Variants in HMGCLL1 observed in about 807,000 individuals in gnomAD.
HMGCLL1 encodes 3-hydroxy-3-methylglutaryl-CoA lyase like 1, also known as 3-hydroxymethyl-3-methylglutaryl-CoA lyase, cytoplasmic.
HMGCLL1 carries 36 observed loss-of-function variants against 39.1 expected under a neutral mutation model. The observed-to-expected ratio is 0.92, with a 90% CI of 0.71 to 1.22. The LOEUF is 1.22. Ranked by LOEUF, HMGCLL1 falls within the 50% of genes most tolerant of loss-of-function variation. The pLI, the probability that HMGCLL1 is intolerant of heterozygous loss-of-function variation, is 0.00. For synonymous variants in HMGCLL1, 149 were observed against 144.0 expected (o/e 1.03, Z -0.25); for missense variants, 451 against 416.5 (o/e 1.08, Z -0.72).
At position 55,520,329 on chromosome 6, in the gene HMGCLL1, T is replaced by C. The variant is rs886645594; in HGVS notation, c.298-3726A>G. Among the ~76,000 whole-genome samples, 30 of 151,624 alleles carry C rather than the reference T, an allele frequency of 2.0e-4. 1 individual carries two copies. Among genetic ancestry groups the C allele is most frequent in the African/African-American group, 7.0e-4 (29 of 41,466 alleles). The stretch of plus-strand genomic sequence containing the variant: ...GGATGATAATGAAGTTCCCAGATCA[T>C]GAAAACTAAAAATTGATAATCACTG... On this transcript the variant is annotated intron_variant, in intron 3 of 8. Coordinates refer to ENST00000274901, the MANE Select transcript of HMGCLL1 (RefSeq NM_001042406.2).
intron 7 of HMGCLL1, among the ~76,000 whole-genome samples, chr6:55,445,269 G>A (rs1763769144): frequency 1.3e-5 from 2 of 151,568 alleles, no homozygotes. Context: ...TAAATTATAT[G>A]CTCGTTTTTC....
intron 7 of HMGCLL1, among the ~76,000 whole-genome samples, chr6:55,474,602 ATC>A (rs1561902153): frequency 6.6e-6 from 1 of 151,496 alleles, no homozygotes; most frequent in African/African-American, 2.4e-5. Flanking sequence ...TCATTCCAAT[ATC>A]TGTGTCATAT....
intron 7 of HMGCLL1, among the ~76,000 whole-genome samples, chr6:55,459,205 C>T (rs1764452045): frequency 6.6e-6 from 1 of 151,956 alleles, no homozygotes; most frequent in Non-Finnish European, 1.5e-5. Context: ...AAAGGCTTAC[C>T]ACATTATCAT....
chr6:55,517,922 T>C (rs985908775), intron 3 of HMGCLL1, among the ~76,000 whole-genome samples: 1 of 152,148 alleles, frequency 6.6e-6, no homozygotes, highest in Non-Finnish European at 1.5e-5. Flanking sequence ...TAAACACATT[T>C]ATTTGTGTTT....
chr6:55,529,813 T>A (rs1480927000), intron 3 of HMGCLL1, among the ~76,000 whole-genome samples: 47 of 152,160 alleles, frequency 3.1e-4, no homozygotes, highest in Non-Finnish European at 1.2e-4. Flanking sequence ...TAGCAACTAC[T>A]TATTATTCAA....
intron 3 of HMGCLL1, among the ~76,000 whole-genome samples, chr6:55,539,762 G>A (rs1000288753): frequency 2.7e-5 from 4 of 149,884 alleles, no homozygotes; most frequent in African/African-American, 9.9e-5. Context: ...CTAGGCTTAA[G>A]ACCTAAGTGA....
At chr6:55,633,408 T>C in the HMGCLL1 span, among the ~76,000 whole-genome samples, 1 of 151,488 alleles carries the variant, frequency 6.6e-6, no homozygotes, top group African/African-American at 2.4e-5. Flanking sequence ...AGAGAGAGAA[T>C]TTCATATAGA....
the HMGCLL1 span, among the ~76,000 whole-genome samples, chr6:55,635,015 G>A: frequency 6.6e-6 from 1 of 151,940 alleles, no homozygotes; most frequent in Admixed American, 6.6e-5. Flanking sequence ...TCTCCCTAAA[G>A]GACAGTTGGA....
At chr6:55,488,787 T>C (rs62407071) in intron 7 of HMGCLL1, among the ~76,000 whole-genome samples, 3,594 of 152,144 alleles carry the variant, frequency 0.024, 56 homozygotes, top group Non-Finnish European at 0.037. Flanking sequence ...TGAGAAGTAA[T>C]TTTATAAGAA....
At chr6:55,627,910 TATATATATATA>T in the HMGCLL1 span, among the ~76,000 whole-genome samples, 129 of 2,096 alleles carry the variant, frequency 0.062, 9 homozygotes, top group South Asian at 0.19. Flanking sequence ...GTATATATAC[TATATATATATA>T]ATATATATAC....
At chr6:55,443,899 T>C (rs1763710238) in intron 7 of HMGCLL1, among the ~76,000 whole-genome samples, 1 of 151,870 alleles carries the variant, frequency 6.6e-6, no homozygotes, top group Non-Finnish European at 1.5e-5. Context: ...AAAGAAGACA[T>C]ACGTCATTTC....
the HMGCLL1 span, among the ~76,000 whole-genome samples, chr6:55,627,555 A>C: frequency 6.6e-6 from 1 of 151,960 alleles, no homozygotes; most frequent in African/African-American, 2.4e-5. Context: ...ACAAAGTATT[A>C]ATCCTGGGTG....
Position 55,579,128 on chromosome 6 carries a change from A to G in HMGCLL1, c.-73T>C, listed in dbSNP as rs1002959971. ...GATGAGGGGCGGGCACCGCGCTGGGAAACTGCGCCAGCTCGGGAGCGCGCC... is the reference window on the plus strand; with the variant it reads ...GATGAGGGGCGGGCACCGCGCTGGGGAACTGCGCCAGCTCGGGAGCGCGCC... On this transcript the variant is annotated 5_prime_UTR_variant, in exon 1 of 9. Transcript: ENST00000274901. The G allele has an allele frequency of 8.6e-7, 1 of 1,157,202 alleles. No individual in the cohort carries two copies. The allele number at this position is 1,157,202 out of a possible 1,614,324, so 71.7% of individuals were successfully genotyped here.
chr6:55,541,811 A>G lies in HMGCLL1; in HGVS notation c.215T>C (p.Ile72Thr), dbSNP rs749350015. ...TTGGGAAAGTCGATTGATAAATTCA[A>G]TTTTTATATCTGTAGGAACTATAAC... ...EKVIVPTDIK[I>T]EFINRLSQTG... Residue 72 changes from isoleucine to threonine, a missense_variant, in exon 3 of 9, where the codon ATT (isoleucine) becomes ACT (threonine). By Grantham distance (89) the Ile-to-Thr change is moderately conservative. Transcript: ENST00000274901. The G allele has an allele frequency of 3.7e-6, 6 of 1,602,490 alleles. No individual in the cohort carries two copies. The highest frequency in any genetic ancestry group is 2.2e-5 in the East Asian group (1 of 44,594).
the HMGCLL1 span, among the ~76,000 whole-genome samples, chr6:55,627,960 TAA>T: frequency 1.1e-3 from 2 of 1,840 alleles, no homozygotes; most frequent in African/African-American, 3.4e-3. Context: ...ACTATATATA[TAA>T]TATATATATA....
At chr6:55,571,028 G>A (rs1771459248) in intron 1 of HMGCLL1, among the ~76,000 whole-genome samples, 3 of 152,102 alleles carry the variant, frequency 2.0e-5, no homozygotes, top group Non-Finnish European at 2.9e-5. Flanking sequence ...CAGTATGCGG[G>A]GAACACCCCT....
the HMGCLL1 span, among the ~76,000 whole-genome samples, chr6:55,603,712 A>G: frequency 6.6e-6 from 1 of 152,160 alleles, no homozygotes; most frequent in Non-Finnish European, 1.5e-5. Context: ...CACCAGTCTG[A>G]AAATTATTAA....
upstream of HMGCLL1, among the ~76,000 whole-genome samples, chr6:55,580,119 A>G (rs1771948231): frequency 1.3e-5 from 2 of 152,050 alleles, no homozygotes; most frequent in Non-Finnish European, 2.9e-5. Flanking sequence ...AATGTAAACC[A>G]GGAGCCAACC....
intron 1 of HMGCLL1, among the ~76,000 whole-genome samples, chr6:55,560,318 G>A (rs937638758): frequency 5.3e-5 from 8 of 152,116 alleles, no homozygotes; most frequent in Non-Finnish European, 1.2e-4. Flanking sequence ...TGCAACTCTA[G>A]GAAATGACGC....
Sources: allele counts gnomAD v4.1 joint callset (sites outside exome capture counted in the v4.1 genomes callset), GRCh38; gene constraint gnomAD v4.1.1; transcripts MANE v1.5; gene names NCBI Gene and HGNC (gene_info 2026-07-23, HGNC 2026-07-21).